SLC8A1: variants seen among roughly 807,000 people sequenced by gnomAD.
SLC8A1 encodes sodium/calcium exchanger 1.
SLC8A1 carries 18 observed loss-of-function variants against 68.3 expected under a neutral mutation model. That is an observed-to-expected ratio of 0.26 (90% CI 0.18 to 0.39). The LOEUF (loss-of-function observed/expected upper bound fraction) is 0.39, where lower values mean the gene tolerates loss of function less well. SLC8A1 is among the 10% of genes least tolerant of loss of function. The pLI, the probability that SLC8A1 is intolerant of heterozygous loss-of-function variation, is 1.00. For synonymous variants in SLC8A1, 475 were observed against 415.5 expected, an observed-to-expected ratio of 1.14 and a Z score of -1.74; for missense variants, 985 against 1,156.7, an observed-to-expected ratio of 0.85 and a Z score of 2.15.
intron 4 of SLC8A1, among the ~76,000 whole-genome samples, chr2:40,174,389 T>G (rs2048096210): frequency 6.6e-6 from 1 of 152,200 alleles, no homozygotes; most frequent in African/African-American, 2.4e-5. Context: ...TATGTTTCTC[T>G]GAGGCTAGCA....
intron 2 of SLC8A1, among the ~76,000 whole-genome samples, chr2:40,281,366 C>CA (rs199540494): frequency 0.014 from 2,165 of 152,032 alleles, 47 homozygotes; most frequent in African/African-American, 0.049. Context: ...GCAATAAGAA[C>CA]AAAAAAAGCA....
At chr2:40,504,354 A>G (rs1206271330) in intron 1 of SLC8A1, among the ~76,000 whole-genome samples, 1 of 152,074 alleles carries the variant, frequency 6.6e-6, no homozygotes, top group African/African-American at 2.4e-5. Context: ...CCATGAAACT[A>G]CTACAAGAAA....
chr2:40,338,169 A>C (rs182848417), intron 2 of SLC8A1, among the ~76,000 whole-genome samples: 48 of 152,078 alleles, frequency 3.2e-4, no homozygotes, highest in Middle Eastern at 3.4e-3. Flanking sequence ...CCAGTAGATA[A>C]TCGTAGTGGG....
intron 2 of SLC8A1, among the ~76,000 whole-genome samples, chr2:40,188,994 A>C (rs2051235882): frequency 6.6e-6 from 1 of 152,188 alleles, no homozygotes; most frequent in Admixed American, 6.5e-5. Context: ...TTCACATTAG[A>C]TTAGGAGACA....
intron 7 of SLC8A1, among the ~76,000 whole-genome samples, chr2:40,128,191 A>G (rs2038549947): frequency 6.6e-6 from 1 of 152,246 alleles, no homozygotes; most frequent in Non-Finnish European, 1.5e-5. Flanking sequence ...GGCCACATGT[A>G]AGCTTTGCCT....
intron 1 of SLC8A1, among the ~76,000 whole-genome samples, chr2:40,435,520 G>T (rs1028867060): frequency 3.3e-5 from 5 of 152,100 alleles, no homozygotes; most frequent in Non-Finnish European, 7.4e-5. Context: ...TGCCGAAGGG[G>T]ATGGGCTATG....
chr2:40,260,741 GTT>G (rs79178846), intron 2 of SLC8A1, among the ~76,000 whole-genome samples: 40 of 142,420 alleles, frequency 2.8e-4, no homozygotes, highest in African/African-American at 9.7e-4. Flanking sequence ...TGTGTATGTG[GTT>G]TTTTTTTTTT....
chr2:40,172,096 G>T (rs763295003), intron 4 of SLC8A1, among the ~76,000 whole-genome samples: 7 of 152,242 alleles, frequency 4.6e-5, no homozygotes, highest in Admixed American at 3.9e-4. Context: ...TACTGCCCCT[G>T]CATCTCAAAG....
At chr2:40,197,011 G>A (rs1399102312) in intron 2 of SLC8A1, among the ~76,000 whole-genome samples, 1 of 151,974 alleles carries the variant, frequency 6.6e-6, no homozygotes, top group African/African-American at 2.4e-5. Flanking sequence ...GATTTGTTCT[G>A]TAACTTGTAT....
At chr2:40,101,263 T>A (rs535074678) in exon 8 of SLC8A1, 1 of 152,220 alleles carries the variant, frequency 6.6e-6, no homozygotes, top group South Asian at 2.1e-4. Flanking sequence ...GCCTTGTGAG[T>A]CTTTGAAAAT....
intron 2 of SLC8A1, among the ~76,000 whole-genome samples, chr2:40,424,272 A>G (rs888671022): frequency 2.0e-5 from 3 of 151,852 alleles, no homozygotes; most frequent in African/African-American, 7.2e-5. Context: ...CACCTTGTTT[A>G]CATCTGGCTG....
intron 6 of SLC8A1, 84 bp from the exon 10 acceptor site, chr2:40,139,760 G>A (rs1573028789): frequency 7.0e-7 from 1 of 1,435,904 alleles, no homozygotes; most frequent in South Asian, 1.3e-5. Context: ...ATCTAGGTCG[G>A]TCATCCCTCC....
chr2:40,378,729 G>C (rs1429425910), intron 2 of SLC8A1, among the ~76,000 whole-genome samples: 1 of 152,068 alleles, frequency 6.6e-6, no homozygotes, highest in African/African-American at 2.4e-5. Context: ...AAGCCAGAAA[G>C]AATTCAGCCA....
chr2:40,352,146 T>C (rs1285214722), intron 2 of SLC8A1, among the ~76,000 whole-genome samples: 7 of 152,336 alleles, frequency 4.6e-5, no homozygotes, highest in Admixed American at 2.0e-4. Flanking sequence ...TTTCTTCTTT[T>C]AAAATTCATT....
At chr2:40,396,361 A>T (rs1450800277) in intron 2 of SLC8A1, among the ~76,000 whole-genome samples, 1 of 152,192 alleles carries the variant, frequency 6.6e-6, no homozygotes, top group Non-Finnish European at 1.5e-5. Flanking sequence ...CTCTACGGTT[A>T]CATGAATCTA....
intron 2 of SLC8A1, among the ~76,000 whole-genome samples, chr2:40,200,192 T>TTTA (rs1553407686): frequency 3.1e-4 from 3 of 9,616 alleles, no homozygotes; most frequent in African/African-American, 8.1e-4. Flanking sequence ...ATATATATAT[T>TTTA]TATATATATA....
chr2:40,336,340 T>G (rs1220533770), intron 2 of SLC8A1, among the ~76,000 whole-genome samples: 3 of 152,172 alleles, frequency 2.0e-5, no homozygotes, highest in African/African-American at 7.2e-5. Flanking sequence ...AATTAATGAA[T>G]GAATAAGGAT....
chr2:40,470,358 AT>A (rs1290397161), intron 1 of SLC8A1, among the ~76,000 whole-genome samples: 1 of 152,102 alleles, frequency 6.6e-6, no homozygotes, highest in Admixed American at 6.6e-5. Flanking sequence ...TAAGAAAATA[AT>A]TGAAAAGTAT....
intron 2 of SLC8A1, among the ~76,000 whole-genome samples, chr2:40,319,725 G>C (rs547323945): frequency 6.6e-6 from 1 of 152,128 alleles, no homozygotes; most frequent in Non-Finnish European, 1.5e-5. Context: ...TGCCTTTGGA[G>C]AGCTCTGCAA....
Sources: allele counts gnomAD v4.1 joint callset (sites outside exome capture counted in the v4.1 genomes callset), GRCh38; gene constraint gnomAD v4.1.1; transcripts MANE v1.5; gene names NCBI Gene and HGNC (gene_info 2026-07-23, HGNC 2026-07-21).